Variants in LRRC37A2 observed in about 807,000 individuals in gnomAD.
The protein encoded by LRRC37A2 is leucine rich repeat containing 37 member A2.
LRRC37A2 carries 9 observed loss-of-function variants against 68.8 expected under a neutral mutation model. The observed-to-expected ratio is 0.13, with a 90% CI of 0.08 to 0.23. The LOEUF (loss-of-function observed/expected upper bound fraction) is 0.23, where lower values mean the gene tolerates loss of function less well. Ranked by LOEUF, LRRC37A2 falls within the 10% of genes least tolerant of loss-of-function variation. LRRC37A2 has a pLI of 1.00. For missense variants in LRRC37A2, 168 were observed against 950.4 expected (o/e 0.18, Z 10.82); for synonymous variants, 63 against 367.6 (o/e 0.17, Z 9.48).
the LRRC37A2 span, chr17:46,937,953 G>A: frequency 1.3e-5 from 2 of 155,622 alleles, no homozygotes; most frequent in African/African-American, 4.8e-5. Flanking sequence ...CTGCAGCCTC[G>A]AACTCCTGGG....
the LRRC37A2 span, among the ~76,000 whole-genome samples, chr17:46,656,020 A>T: frequency 7.6e-5 from 4 of 52,776 alleles, no homozygotes; most frequent in African/African-American, 4.1e-4. Context: ...ACTGAAAGAC[A>T]TTGTTTAAAT....
the LRRC37A2 span, among the ~76,000 whole-genome samples, chr17:46,622,358 T>C: frequency 6.7e-6 from 1 of 150,014 alleles, no homozygotes; most frequent in African/African-American, 2.5e-5. Flanking sequence ...CTTGGGAGGC[T>C]GAGGCAGGAG....
chr17:46,936,491 G>A, the LRRC37A2 span: 3 of 985,328 alleles, frequency 3.0e-6, no homozygotes, highest in Non-Finnish European at 3.6e-6. Flanking sequence ...TGGCTACCTG[G>A]TGTTTGTCTC....
At chr17:46,826,717 G>T in the LRRC37A2 span, among the ~76,000 whole-genome samples, 1 of 151,782 alleles carries the variant, frequency 6.6e-6, no homozygotes, top group Non-Finnish European at 1.5e-5. Context: ...GTTTGAAATG[G>T]CACCTGGGAC....
the LRRC37A2 span, chr17:47,018,733 C>A: frequency 1.3e-6 from 2 of 1,520,696 alleles, no homozygotes; most frequent in Non-Finnish European, 1.8e-6. Context: ...TCTTCCCTAA[C>A]CCATCAGGAG....
At chr17:47,037,279 G>T in the LRRC37A2 span, among the ~76,000 whole-genome samples, 1 of 152,100 alleles carries the variant, frequency 6.6e-6, no homozygotes, top group African/African-American at 2.4e-5. Context: ...AACAGAGTGA[G>T]ACTCCAATGG....
the LRRC37A2 span, chr17:47,022,042 C>G: frequency 1.2e-6 from 1 of 853,132 alleles, no homozygotes; most frequent in Non-Finnish European, 1.9e-6. Context: ...CCCAAATCAA[C>G]CACTGTTGAC....
At chr17:46,739,730 T>C in the LRRC37A2 span, among the ~76,000 whole-genome samples, 2 of 143,312 alleles carry the variant, frequency 1.4e-5, no homozygotes, top group African/African-American at 5.5e-5. Context: ...TCTTTTTTTC[T>C]GATTTTTTTT....
chr17:46,539,212 GAAA>G (rs1166753209), intron 6 of LRRC37A2, among the ~76,000 whole-genome samples: 1 of 40,030 alleles, frequency 2.5e-5, no homozygotes. Context: ...CTCCATCTCA[GAAA>G]AAAAAAAAAA....
At chr17:47,037,691 T>C in the LRRC37A2 span, among the ~76,000 whole-genome samples, 2 of 152,360 alleles carry the variant, frequency 1.3e-5, no homozygotes, top group African/African-American at 4.8e-5. Flanking sequence ...TTATGAAGGA[T>C]TGGTGTTAAT....
At chr17:46,909,641 G>T in the LRRC37A2 span, 1 of 152,346 alleles carries the variant, frequency 6.6e-6, no homozygotes, top group Non-Finnish European at 1.5e-5. Context: ...AGCTCTAGAC[G>T]CTGTGGCTTG....
At chr17:46,907,611 A>G in the LRRC37A2 span, among the ~76,000 whole-genome samples, 1 of 136,124 alleles carries the variant, frequency 7.3e-6, no homozygotes. Context: ...CTGAGGCAGG[A>G]GGATCGGTTG....
At chr17:46,780,923 G>A in the LRRC37A2 span, among the ~76,000 whole-genome samples, 2 of 152,126 alleles carry the variant, frequency 1.3e-5, no homozygotes, top group Non-Finnish European at 2.9e-5. Context: ...CATACATACA[G>A]TGGGACCCTA....
At chr17:46,763,193 G>C in the LRRC37A2 span, 1 of 152,188 alleles carries the variant, frequency 6.6e-6, no homozygotes, top group Non-Finnish European at 1.5e-5. Flanking sequence ...AAAAATCTTT[G>C]TTCTGCTCAT....
At chr17:46,879,668 A>G in the LRRC37A2 span, among the ~76,000 whole-genome samples, 1 of 152,256 alleles carries the variant, frequency 6.6e-6, no homozygotes, top group Admixed American at 6.5e-5. Context: ...GACTTGTTCA[A>G]TGAATATTTA....
At chr17:46,798,517 GGCACATCA>G in the LRRC37A2 span, among the ~76,000 whole-genome samples, 1 of 152,152 alleles carries the variant, frequency 6.6e-6, no homozygotes, top group Admixed American at 6.5e-5. Context: ...CCATACCATT[GGCACATCA>G]GCTCTTCTTC....
chr17:46,717,209 C>T, the LRRC37A2 span, among the ~76,000 whole-genome samples: 1 of 152,232 alleles, frequency 6.6e-6, no homozygotes, highest in Non-Finnish European at 1.5e-5. Flanking sequence ...GATGAAGGAC[C>T]TGGAAGACCT....
the LRRC37A2 span, chr17:47,028,162 G>A: frequency 1.4e-6 from 1 of 740,310 alleles, no homozygotes; most frequent in Non-Finnish European, 2.4e-6. Context: ...GATTTCCTTA[G>A]TGCATAGAGA....
chr17:46,789,606 C>T, the LRRC37A2 span, among the ~76,000 whole-genome samples: 1 of 146,316 alleles, frequency 6.8e-6, no homozygotes, highest in Non-Finnish European at 1.5e-5. Flanking sequence ...TCAGGGAACA[C>T]AAGGGACAGA....
Sources: gnomAD v4.1 joint callset for allele counts (sites outside exome capture counted in the v4.1 genomes callset) on GRCh38, gnomAD v4.1.1 for gene constraint, MANE v1.5 for transcripts, NCBI Gene and HGNC (gene_info 2026-07-23, HGNC 2026-07-21) for gene names.